The following IDUA variants were observed in gnomAD, a reference collection of about 807,000 sequenced individuals.
IDUA encodes the protein alpha-L-iduronidase.
A neutral mutation model predicts 68.9 loss-of-function variants in IDUA; 65 were observed. The observed-to-expected ratio is 0.94, with a 90% CI of 0.77 to 1.16. IDUA has a LOEUF of 1.16. IDUA is among the 50% of genes most tolerant of loss of function. The pLI is 0.00. For synonymous variants in IDUA, 529 were observed against 433.6 expected, an observed-to-expected ratio of 1.22 and a Z score of -2.73; for missense variants, 1,046 against 938.0, an observed-to-expected ratio of 1.12 and a Z score of -1.50.
In IDUA at chr4:1,004,055, G is replaced by A. The variant is rs398123257; in HGVS notation, c.1771G>A (p.Ala591Thr). The change falls in exon 13 of 14, where the codon GCG (alanine) becomes ACG (threonine). Residue 591 changes from alanine to threonine, a missense_variant. By Grantham distance (58) the Ala-to-Thr change is moderately conservative. Coordinates refer to ENST00000514224, the MANE Select transcript of IDUA (RefSeq NM_000203.5). This position sits in a 1 kb window ranked among gnomAD's most constrained non-coding sequence, Gnocchi z 5.0. ...YEIQFSQDGK[A>T]YTPVSRKPST... ...GATCCAGTTCTCTCAGGACGGTAAG[G>A]CGTACACCCCGGTCAGCAGGAAGCC... is the stretch of plus-strand genomic sequence containing the variant. The A allele has an allele frequency of 6.8e-6, 11 of 1,612,172 alleles. No individual in the cohort carries two copies. In the Admixed American group the frequency reaches 8.4e-5, roughly 12 times the overall value.
intron 2 of IDUA, chr4:990,204 C>A: frequency 6.4e-7 from 1 of 1,562,466 alleles, no homozygotes; most frequent in East Asian, 2.4e-5. Context: ...ATGTGAGGAC[C>A]ACCATGCCGG....
intron 2 of IDUA, chr4:988,978 CT>C: frequency 6.3e-7 from 1 of 1,596,010 alleles, no homozygotes; most frequent in Non-Finnish European, 8.5e-7. Flanking sequence ...CAGAATGTCT[CT>C]CACAGGCGGG....
rs1715303696 is a variant in IDUA at position 1,004,194 on chromosome 4, C to T, written c.1829-66C>T. 5 of 1,611,040 alleles carry T rather than the reference C, an allele frequency of 3.1e-6. No homozygotes were observed. Among genetic ancestry groups the T allele is most frequent in the South Asian group, 1.1e-5 (1 of 91,060 alleles). The stretch of plus-strand genomic sequence containing the variant: ...AGTACTGGGTGGGGGCCTCGAGAAG[C>T]CTGGGGTCAGGGGGCTTTCGGGTGG... On this transcript the variant is annotated intron_variant, in intron 13 of 13. Transcript: ENST00000514224. This position sits in a 1 kb window ranked among gnomAD's most constrained non-coding sequence, Gnocchi z 5.0.
chr4:991,139 C>T lies in IDUA; in HGVS notation c.299+3190C>T, dbSNP rs372241214. On this transcript the variant is annotated intron_variant, in intron 2 of 13. Coordinates refer to ENST00000514224, the MANE Select transcript of IDUA (RefSeq NM_000203.5). ...GCAGGGCTCCTCACCTGGTAAAGCC[C>T]GGTCATCAGCGTGAGGGCGGTGGCG... 35 of 1,543,138 alleles carry T rather than the reference C, an allele frequency of 2.3e-5. No homozygotes were observed. In the East Asian group the frequency reaches 2.5e-4, roughly 11 times the overall value.
chr4:990,466 T>C, intron 2 of IDUA: 1 of 1,141,826 alleles, frequency 8.8e-7, no homozygotes, highest in Non-Finnish European at 1.2e-6. Context: ...GCACAGGACC[T>C]GACAATTCTG....
chr4:1,001,385 T>C, intron 4 of IDUA, 83 bp from the exon 5 acceptor site: 1 of 1,160,046 alleles, frequency 8.6e-7, no homozygotes. Flanking sequence ...TCAGACGCCC[T>C]TCATCACCTT....
At chr4:989,085 CG>C in intron 2 of IDUA, 1 of 1,596,902 alleles carries the variant, frequency 6.3e-7, no homozygotes, top group Non-Finnish European at 8.5e-7. Flanking sequence ...GGAACAGCAG[CG>C]GGGCGCAGTC....
At chr4:997,703 C>T (rs1714825764) in intron 2 of IDUA, among the ~76,000 whole-genome samples, 1 of 152,168 alleles carries the variant, frequency 6.6e-6, no homozygotes, top group Admixed American at 6.5e-5. Flanking sequence ...CGGCCCAGTC[C>T]CCTCCCCAGC....
intron 12 of IDUA, 28 bp from the exon 13 acceptor site, chr4:1,003,984 A>G (rs754859839): frequency 6.4e-7 from 1 of 1,572,382 alleles, no homozygotes; most frequent in Non-Finnish European, 8.7e-7. Flanking sequence ...TCTTGACCCC[A>G]GCCTTGTTCT....
intron 12 of IDUA, 183 bp downstream of exon 12, chr4:1,003,808 G>T (rs1283083511): frequency 2.5e-6 from 2 of 794,116 alleles, no homozygotes; most frequent in African/African-American, 1.7e-5. Context: ...TGCCAGTGGG[G>T]TGTGGGTTCT....
chr4:1,002,917 C>A lies in IDUA; in HGVS notation c.1375C>A (p.Arg459=). ...HPNRSVAVTL[R]LRGVPPGPGL... ...CAACCGCAGCGTCGCGGTGACCCTGCGGCTGCGCGGGGTGCCCCCCGGCCC... is the reference window on the plus strand; with the variant it reads ...CAACCGCAGCGTCGCGGTGACCCTGAGGCTGCGCGGGGTGCCCCCCGGCCC... The change falls in exon 9 of 14, where the codon CGG becomes AGG. Residue 459 remains arginine (R), a synonymous_variant. Transcript: ENST00000514224. The A allele has an allele frequency of 7.3e-7, 1 of 1,372,638 alleles. No homozygotes were observed. The highest frequency in any genetic ancestry group is 9.3e-7 in the Non-Finnish European group (1 of 1,069,954). 85.0% of individuals were successfully genotyped at this position (1,372,638 alleles called of 1,614,324 possible).
chr4:1,001,403 C>T, intron 4 of IDUA, 65 bp from the exon 5 acceptor site: 1 of 1,330,696 alleles, frequency 7.5e-7, no homozygotes, highest in Non-Finnish European at 1.1e-6. Flanking sequence ...CTTGCACCCT[C>T]CCTCCGTGGG....
chr4:1,004,267 T>G lies in IDUA; in HGVS notation c.1836T>G (p.Gly612=), dbSNP rs1278005228. The change falls in exon 14 of 14, where the codon GGT becomes GGG. Residue 612 remains glycine (G), a synonymous_variant. Transcript: ENST00000514224. The surrounding 1 kb of genome is among the most constrained non-coding windows in gnomAD (Gnocchi z 5.0). ...ATGTCCCCTTGTCTCCAGACACAGG[T>G]GCTGTCTCTGGCTCCTACCGAGTTC... ...FNLFVFSPDT[G]AVSGSYRVRA... The G allele has an allele frequency of 1.2e-6, 2 of 1,609,898 alleles. No individual in the cohort carries two copies. Among genetic ancestry groups the G allele is most frequent in the East Asian group, 2.2e-5 (1 of 44,838 alleles).
At position 990,227 on chromosome 4, in the gene IDUA, G is replaced by A. The variant is rs1309353202; in HGVS notation, c.299+2278G>A. On this transcript the variant is annotated intron_variant, in intron 2 of 13. Transcript: ENST00000514224. The stretch of plus-strand genomic sequence containing the variant: ...ACCACCATGCCGGGCCCCTGGTGCC[G>A]CGGGATCCGCACGCCCAGCAGGTGT... The A allele has an allele frequency of 1.5e-5, 23 of 1,571,682 alleles. No homozygotes were observed. The highest frequency in any genetic ancestry group is 7.0e-5 in the South Asian group (6 of 85,640).
At chr4:993,651 C>A (rs144086020) in intron 2 of IDUA, among the ~76,000 whole-genome samples, 1 of 152,158 alleles carries the variant, frequency 6.6e-6, no homozygotes, top group Non-Finnish European at 1.5e-5. Flanking sequence ...TAGGGACCAG[C>A]GGGAGGCGGG....
chr4:992,463 C>T (rs1301847538), intron 2 of IDUA, among the ~76,000 whole-genome samples: 1 of 152,238 alleles, frequency 6.6e-6, no homozygotes, highest in Non-Finnish European at 1.5e-5. Context: ...CTAGCCTAGC[C>T]CATCCGCCTG....
rs1347549122 is a variant in IDUA at position 992,181 on chromosome 4, C to T, written c.299+4232C>T. 6.5e-6 allele frequency: 3 copies of T among 462,210 alleles called. No homozygotes were observed. The Admixed American group carries it at 7.0e-5, about 11-fold the overall frequency. 28.6% of individuals were successfully genotyped at this position (462,210 alleles called of 1,614,324 possible). ...ATGTCACAGTCACTGGACACAGGTG[C>T]AGGCAAGCCTGAGTCCAGCTGCTCC... is the stretch of plus-strand genomic sequence containing the variant. On this transcript the variant is annotated intron_variant, in intron 2 of 13. Coordinates refer to ENST00000514224, the MANE Select transcript of IDUA (RefSeq NM_000203.5).
At chr4:991,018 G>C in intron 2 of IDUA, 1 of 1,151,570 alleles carries the variant, frequency 8.7e-7, no homozygotes, top group Non-Finnish European at 1.2e-6. Flanking sequence ...TCTTGGGCCA[G>C]CACCTCCTCT....
At chr4:990,462 G>T in intron 2 of IDUA, 1 of 1,177,720 alleles carries the variant, frequency 8.5e-7, no homozygotes, top group Non-Finnish European at 1.2e-6. Context: ...CACGGCACAG[G>T]ACCTGACAAT....
Sources: allele counts gnomAD v4.1 joint callset (sites outside exome capture counted in the v4.1 genomes callset), GRCh38; gene constraint gnomAD v4.1.1; non-coding constraint Gnocchi (gnomAD v3.1); transcripts MANE v1.5; gene names NCBI Gene and HGNC (gene_info 2026-07-23, HGNC 2026-07-21).